FANK1: variants seen among roughly 807,000 people sequenced by gnomAD.
FANK1 encodes fibronectin type 3 and ankyrin repeat domains protein 1.
FANK1 carries 44 observed loss-of-function variants against 45.3 expected under a neutral mutation model. The observed-to-expected ratio is 0.97, with a 90% CI of 0.76 to 1.25. The LOEUF is 1.25. Among genes scored for constraint, FANK1 ranks in the 50% most tolerant of loss-of-function variants. The probability of loss-of-function intolerance (pLI) is 0.00; values close to 1 mark genes in which losing one functional copy is unlikely to be tolerated. For missense variants in FANK1, 391 were observed against 424.4 expected (o/e 0.92, Z 0.69); for synonymous variants, 149 against 152.5 (o/e 0.98, Z 0.17).
intron 2 of FANK1, among the ~76,000 whole-genome samples, chr10:125,982,477 C>T (rs937694617): frequency 6.6e-6 from 1 of 152,240 alleles, no homozygotes; most frequent in South Asian, 2.1e-4. Flanking sequence ...GCGTTTCTCA[C>T]AGAATTACAA....
chr10:125,897,699 C>T (rs1442738465), intron 1 of FANK1, among the ~76,000 whole-genome samples: 1 of 152,304 alleles, frequency 6.6e-6, no homozygotes, highest in Admixed American at 6.5e-5. Flanking sequence ...AGATTTTGTA[C>T]AGTATTTGTC....
At chr10:125,913,922 T>G (rs543079825) in intron 1 of FANK1, among the ~76,000 whole-genome samples, 295 of 152,156 alleles carry the variant, frequency 1.9e-3, no homozygotes, top group African/African-American at 6.8e-3. Context: ...AGAACAAATA[T>G]AAATACAGAT....
At chr10:125,927,391 A>T (rs1947426888) in intron 1 of FANK1, among the ~76,000 whole-genome samples, 1 of 152,144 alleles carries the variant, frequency 6.6e-6, no homozygotes, top group Admixed American at 6.5e-5. Flanking sequence ...TGTCAGCTTT[A>T]GACTTGTGAG....
At position 126,009,096 on chromosome 10, in the gene FANK1, C is replaced by T; in HGVS notation, c.892C>T (p.Leu298Phe). The T allele has an allele frequency of 1.9e-6, 3 of 1,614,152 alleles. No individual in the cohort carries two copies. The South Asian group carries it at 3.3e-5, about 18-fold the overall frequency. Residue 298 changes from leucine to phenylalanine, a missense_variant, in exon 9 of 11, where the codon CTT becomes TTT. Coordinates refer to ENST00000368693, the MANE Select transcript of FANK1 (RefSeq NM_145235.5). ...NNHEELVQLL[L>F]DKGADASVKN... ...TCATGAAGAGTTAGTTCAGTTACTT[C>T]TTGACAAAGGGGCAGATGCAAGTGT... is the stretch of plus-strand genomic sequence containing the variant.
At chr10:125,970,356 G>A (rs185414157) in intron 1 of FANK1, among the ~76,000 whole-genome samples, 2,560 of 151,916 alleles carry the variant, frequency 0.017, 33 homozygotes, top group South Asian at 0.033. Context: ...TGGGGCGGCC[G>A]GGCAGAGGCG....
At chr10:125,954,902 CAG>C (rs2134171457) in intron 1 of FANK1, among the ~76,000 whole-genome samples, 1 of 151,654 alleles carries the variant, frequency 6.6e-6, no homozygotes, top group East Asian at 1.9e-4. Flanking sequence ...GCCTGGGCAA[CAG>C]AGTAAGACTG....
At chr10:125,933,967 T>G (rs1448966363) in intron 1 of FANK1, among the ~76,000 whole-genome samples, 1 of 152,220 alleles carries the variant, frequency 6.6e-6, no homozygotes. Flanking sequence ...GAGTTGATTT[T>G]CGATTTTATT....
At chr10:125,998,633 G>A (rs1449557515) in intron 6 of FANK1, among the ~76,000 whole-genome samples, 2 of 151,930 alleles carry the variant, frequency 1.3e-5, no homozygotes, top group Admixed American at 1.3e-4. Context: ...GTAAATCTAA[G>A]AAGAAAAAAA....
chr10:125,936,747 A>G (rs1047002123), intron 1 of FANK1, among the ~76,000 whole-genome samples: 1 of 152,118 alleles, frequency 6.6e-6, no homozygotes, highest in African/African-American at 2.4e-5. Flanking sequence ...AAACATTTGT[A>G]TAGTTTCTTG....
At chr10:125,908,483 C>T (rs78269123) in intron 1 of FANK1, among the ~76,000 whole-genome samples, 8 of 151,980 alleles carry the variant, frequency 5.3e-5, no homozygotes, top group Non-Finnish European at 2.9e-5. Context: ...ACTTGTTCTA[C>T]GTTAAGTAAC....
intron 1 of FANK1, among the ~76,000 whole-genome samples, chr10:125,897,120 C>G (rs1303204033): frequency 6.9e-6 from 1 of 145,954 alleles, no homozygotes; most frequent in Non-Finnish European, 1.5e-5. Context: ...TACTCCCCGC[C>G]CCCCGCCCCA....
At chr10:125,969,780 C>T (rs931403047) in intron 1 of FANK1, among the ~76,000 whole-genome samples, 4 of 151,984 alleles carry the variant, frequency 2.6e-5, no homozygotes, top group Non-Finnish European at 5.9e-5. Flanking sequence ...GTGGCCTTCC[C>T]CAGTGTTTGT....
At chr10:125,972,460 A>G (rs1362887784) in intron 1 of FANK1, 1 of 152,182 alleles carries the variant, frequency 6.6e-6, no homozygotes, top group African/African-American at 2.4e-5. Context: ...ATGGGTTAAT[A>G]TTGTAAGGAT....
At chr10:125,972,506 A>G (rs1230585684) in intron 1 of FANK1, among the ~76,000 whole-genome samples, 1 of 152,222 alleles carries the variant, frequency 6.6e-6, no homozygotes, top group East Asian at 1.9e-4. Flanking sequence ...AGGTTGGCTT[A>G]GAAACAAAGC....
rs1950494669 is a variant in FANK1, at chr10:125,971,207, C to G, written c.14-8954C>G. Among the ~76,000 whole-genome samples, 3 of 152,236 alleles carry G rather than the reference C, an allele frequency of 2.0e-5. 1 individual carries two copies. Among genetic ancestry groups the G allele is most frequent in the Non-Finnish European group, 4.4e-5 (3 of 68,020 alleles). ...CTATAGCCTTTCCCTCCTGTTGATG[C>G]AACTCTTCCTCTTCCAGATTTCATG... is the stretch of plus-strand genomic sequence containing the variant. On this transcript the variant is annotated intron_variant, in intron 1 of 10. Transcript: ENST00000368693.
At chr10:125,942,265 T>G (rs1196218586) in intron 1 of FANK1, among the ~76,000 whole-genome samples, 1 of 152,148 alleles carries the variant, frequency 6.6e-6, no homozygotes, top group Non-Finnish European at 1.5e-5. Context: ...GAACAAAAAG[T>G]CACAATTTGT....
intron 1 of FANK1, among the ~76,000 whole-genome samples, chr10:125,944,701 C>T (rs1007974372): frequency 5.3e-5 from 8 of 152,174 alleles, no homozygotes; most frequent in South Asian, 2.1e-4. Flanking sequence ...ATAGCATGAG[C>T]GATCTGTGCC....
At chr10:125,981,939 C>T (rs564669403) in intron 2 of FANK1, among the ~76,000 whole-genome samples, 4 of 152,128 alleles carry the variant, frequency 2.6e-5, no homozygotes, top group Non-Finnish European at 5.9e-5. Context: ...TATATGAAAG[C>T]TCCAATTTCA....
At chr10:126,003,590 G>A (rs1287735421) in intron 6 of FANK1, among the ~76,000 whole-genome samples, 2 of 152,070 alleles carry the variant, frequency 1.3e-5, no homozygotes, top group Non-Finnish European at 2.9e-5. Context: ...TAAAGATACA[G>A]TTTTCCCATT....
Sources: gnomAD v4.1 joint callset for allele counts (sites outside exome capture counted in the v4.1 genomes callset) on GRCh38, gnomAD v4.1.1 for gene constraint, MANE v1.5 for transcripts, NCBI Gene and HGNC (gene_info 2026-07-23, HGNC 2026-07-21) for gene names.